OSBPL1A: variants seen among roughly 807,000 people sequenced by gnomAD.
OSBPL1A encodes the protein oxysterol binding protein like 1A.
A neutral mutation model predicts 137.1 loss-of-function variants in OSBPL1A; 80 were observed. That is an observed-to-expected ratio of 0.58 (90% CI 0.49 to 0.70). OSBPL1A has a LOEUF of 0.70. Among genes scored for constraint, OSBPL1A ranks in the 30% least tolerant of loss-of-function variants. The pLI is 0.00. For synonymous variants in OSBPL1A, 365 were observed against 389.7 expected, an observed-to-expected ratio of 0.94 and a Z score of 0.75; for missense variants, 970 against 1,129.4, an observed-to-expected ratio of 0.86 and a Z score of 2.02.
intron 4 of OSBPL1A, chr18:24,358,502 G>A (rs1432381289): frequency 2.8e-6 from 2 of 702,214 alleles, no homozygotes; most frequent in Non-Finnish European, 5.2e-6. Flanking sequence ...CAGCTTCCCT[G>A]AGAACAGATC....
intron 17 of OSBPL1A, among the ~76,000 whole-genome samples, chr18:24,204,868 C>T (rs1001149340): frequency 1.3e-5 from 2 of 152,138 alleles, no homozygotes; most frequent in Non-Finnish European, 2.9e-5. Flanking sequence ...CAGCTTCTAT[C>T]TCGGTTCAAA....
At chr18:24,389,724 T>G (rs1387300017) in intron 1 of OSBPL1A, among the ~76,000 whole-genome samples, 1 of 152,134 alleles carries the variant, frequency 6.6e-6, no homozygotes, top group East Asian at 1.9e-4. Flanking sequence ...GCAGATCACT[T>G]GAGGCCAGAA....
At chr18:24,206,355 G>A (rs1216383397) in intron 17 of OSBPL1A, among the ~76,000 whole-genome samples, 2 of 152,222 alleles carry the variant, frequency 1.3e-5, no homozygotes, top group East Asian at 3.8e-4. Flanking sequence ...AGCAGAGACT[G>A]TGGTTAAGAC....
At position 24,303,025 on chromosome 18, in the gene OSBPL1A, G is replaced by C. The variant is rs1449138077; in HGVS notation, c.1174+612C>G. ...TGTCTGTGTGTGTGAGAGAGAGACA[G>C]AGTCTTGCTCTGTCGCCCAGGCTAG... is the stretch of plus-strand genomic sequence containing the variant. On this transcript the variant is annotated intron_variant, in intron 14 of 27. Coordinates refer to ENST00000319481, the MANE Select transcript of OSBPL1A (RefSeq NM_080597.4). 2.6e-5 allele frequency among the ~76,000 whole-genome samples: 4 copies of C among 151,946 alleles called. No individual in the cohort carries two copies. In the East Asian group the frequency reaches 7.7e-4, roughly 29 times the overall value.
intron 17 of OSBPL1A, 85 bp downstream of exon 17, chr18:24,224,957 G>A: frequency 2.0e-6 from 3 of 1,538,046 alleles, no homozygotes; most frequent in East Asian, 2.3e-5. Flanking sequence ...GGGGAAAAAT[G>A]AAGACAAGAC....
rs539633942 is a variant in OSBPL1A at position 24,341,717 on chromosome 18, C to T, written c.283-59G>A. On this transcript the variant is annotated intron_variant, in intron 4 of 27. Transcript: ENST00000319481. ...GCTAAGATTTTATTGCATTACCACC[C>T]TTTTCCAAATTACTAACTACTACAG... is the stretch of plus-strand genomic sequence containing the variant. 4.2e-6 allele frequency: 5 copies of T among 1,192,276 alleles called. No individual in the cohort carries two copies. The African/African-American group carries it at 6.1e-5, about 15-fold the overall frequency. The allele number at this position is 1,192,276 out of a possible 1,614,324, so 73.9% of individuals were successfully genotyped here.
chr18:24,217,151 C>T (rs139192967), intron 17 of OSBPL1A, among the ~76,000 whole-genome samples: 1,540 of 152,192 alleles, frequency 0.01, 26 homozygotes, highest in African/African-American at 0.035. Flanking sequence ...AAATCCAACC[C>T]ATGGGCTCAT....
chr18:24,236,679 A>T (rs559115498), intron 16 of OSBPL1A, among the ~76,000 whole-genome samples: 1 of 152,308 alleles, frequency 6.6e-6, no homozygotes, highest in Admixed American at 6.5e-5. Flanking sequence ...CACTTCCTAT[A>T]GCCATGGCAG....
At chr18:24,303,573 A>T in intron 14 of OSBPL1A, 64 bp downstream of exon 14, 1 of 1,327,342 alleles carries the variant, frequency 7.5e-7, no homozygotes, top group East Asian at 2.3e-5. Context: ...AGTCAAACAA[A>T]ACTACAACAG....
At chr18:24,393,966 C>T (rs1181169882) in intron 1 of OSBPL1A, among the ~76,000 whole-genome samples, 31 of 152,166 alleles carry the variant, frequency 2.0e-4, no homozygotes, top group Admixed American at 2.0e-3. Context: ...TTGGGAAGCA[C>T]TAACCTGTAT....
At chr18:24,240,779 G>C (rs921963315) in intron 15 of OSBPL1A, among the ~76,000 whole-genome samples, 2 of 152,068 alleles carry the variant, frequency 1.3e-5, no homozygotes, top group Non-Finnish European at 2.9e-5. Flanking sequence ...AGATGTTTTC[G>C]AAAGCAGTTG....
At position 24,296,253 on chromosome 18, in the gene OSBPL1A, T is replaced by C. The variant is rs117293067; in HGVS notation, c.1174+7384A>G. ...CTAAGCACATTCCTACATATTTTAT[T>C]TTTTTGCAACTGTTGTAAAAGGGAT... is the stretch of plus-strand genomic sequence containing the variant. On this transcript the variant is annotated intron_variant, in intron 14 of 27. Transcript: ENST00000319481. 1.7e-3 allele frequency among the ~76,000 whole-genome samples: 266 copies of C among 152,280 alleles called. 2 individuals carry two copies. In the East Asian group the frequency reaches 0.037, roughly 21 times the overall value.
At chr18:24,269,013 C>G (rs2089651560) in intron 15 of OSBPL1A, among the ~76,000 whole-genome samples, 2 of 152,208 alleles carry the variant, frequency 1.3e-5, no homozygotes, top group Admixed American at 1.3e-4. Context: ...CCTATGGCTC[C>G]ACCTTCATTC....
At chr18:24,342,517 C>G (rs2091287842) in intron 4 of OSBPL1A, among the ~76,000 whole-genome samples, 1 of 152,128 alleles carries the variant, frequency 6.6e-6, no homozygotes, top group African/African-American at 2.4e-5. Context: ...CTGACAGTGC[C>G]TGTAAAATAT....
intron 1 of OSBPL1A, among the ~76,000 whole-genome samples, chr18:24,395,307 T>A (rs766928998): frequency 7.0e-4 from 107 of 152,212 alleles, no homozygotes; most frequent in Non-Finnish European, 1.3e-3. Context: ...ACTAAGTTAT[T>A]CATTTGGCTG....
rs1326948833 is a variant in OSBPL1A at position 24,365,029 on chromosome 18, A to C, written c.282+1863T>G. On this transcript the variant is annotated intron_variant, in intron 4 of 27. Transcript: ENST00000319481. The stretch of plus-strand genomic sequence containing the variant: ...CCCTGTCTCAAAAAACAACAACAAA[A>C]AAAAAAAAAAAAAAAAAAATCCAGA... 1.0e-3 allele frequency among the ~76,000 whole-genome samples: 155 copies of C among 149,500 alleles called. 1 individual carries two copies. The highest frequency in any genetic ancestry group is 7.0e-3 in the Middle Eastern group (2 of 286).
At chr18:24,291,470 A>G (rs1239142155) in intron 14 of OSBPL1A, among the ~76,000 whole-genome samples, 1 of 152,166 alleles carries the variant, frequency 6.6e-6, no homozygotes, top group Non-Finnish European at 1.5e-5. Flanking sequence ...TCAGAATGCA[A>G]CAGAAAGAAA....
chr18:24,311,131 A>T (rs2146112247), intron 13 of OSBPL1A, among the ~76,000 whole-genome samples: 1 of 135,372 alleles, frequency 7.4e-6, no homozygotes, highest in Non-Finnish European at 1.7e-5. Flanking sequence ...TAGGGATTGA[A>T]AGAGTCAAAA....
chr18:24,233,619 T>TTTTC (rs1194430099), intron 16 of OSBPL1A, among the ~76,000 whole-genome samples: 12 of 152,116 alleles, frequency 7.9e-5, no homozygotes, highest in African/African-American at 1.4e-4. Context: ...CCTATTATAT[T>TTTTC]TTTCTTTCTT....
Sources: gnomAD v4.1 joint callset for allele counts (sites outside exome capture counted in the v4.1 genomes callset) on GRCh38, gnomAD v4.1.1 for gene constraint, MANE v1.5 for transcripts, NCBI Gene and HGNC (gene_info 2026-07-23, HGNC 2026-07-21) for gene names.